The following B4GALNT3 variants were observed in gnomAD, a reference collection of about 807,000 sequenced individuals.
The protein encoded by B4GALNT3 is beta-1,4-N-acetylgalactosaminyltransferase 3.
In B4GALNT3, 86 loss-of-function variants were observed where a neutral mutation model predicts 120.2. The ratio of observed to expected loss-of-function variants is 0.72; its 90% confidence interval spans 0.60 to 0.86. The LOEUF is 0.86. Ranked by LOEUF, B4GALNT3 falls within the 40% of genes least tolerant of loss-of-function variation. The probability of loss-of-function intolerance (pLI) is 0.00; values close to 1 mark genes in which losing one functional copy is unlikely to be tolerated. For missense variants in B4GALNT3, 1,167 were observed against 1,298.9 expected (o/e 0.90, Z 1.56); for synonymous variants, 518 against 510.4 (o/e 1.01, Z -0.20).
At chr12:477,105 G>C (rs1485232770) in intron 1 of B4GALNT3, among the ~76,000 whole-genome samples, 1 of 152,144 alleles carries the variant, frequency 6.6e-6, no homozygotes, top group Non-Finnish European at 1.5e-5. Flanking sequence ...TGCCCATATA[G>C]CAGTTTATAG....
chr12:495,157 A>G (rs554709115), intron 1 of B4GALNT3, among the ~76,000 whole-genome samples: 20 of 152,330 alleles, frequency 1.3e-4, no homozygotes, highest in African/African-American at 4.6e-4. Context: ...AGAAGCTCAG[A>G]AAGGTTAAAT....
At chr12:505,153 A>T (rs1001643170) in intron 1 of B4GALNT3, among the ~76,000 whole-genome samples, 2 of 152,184 alleles carry the variant, frequency 1.3e-5, no homozygotes, top group Non-Finnish European at 2.9e-5. Flanking sequence ...TGGCCTCCCA[A>T]CGTGCTGGGA....
intron 1 of B4GALNT3, among the ~76,000 whole-genome samples, chr12:515,718 T>C (rs1946646638): frequency 6.6e-6 from 1 of 152,216 alleles, no homozygotes; most frequent in Non-Finnish European, 1.5e-5. Flanking sequence ...GCTTAGAGAT[T>C]AAGCTAGATG....
rs2120395334 is a variant in B4GALNT3, at chr12:460,992, G to T, written c.169+447G>T. Among the ~76,000 whole-genome samples the T allele has an allele frequency of 6.6e-6, 1 of 152,254 alleles. No homozygotes were observed. The highest frequency in any genetic ancestry group is 2.1e-4 in the South Asian group (1 of 4,826). On this transcript the variant is annotated intron_variant, in intron 1 of 19. Transcript: ENST00000266383. The surrounding 1 kb of genome is among the most constrained non-coding windows in gnomAD (Gnocchi z 8.0). ...CACCCAGGCGCGCGCTCCAGTCCGC[G>T]CAGCCCAAACTTTGCCCACCGCCTT...
chr12:510,473 AG>A, intron 1 of B4GALNT3, among the ~76,000 whole-genome samples: 1 of 114,110 alleles, frequency 8.8e-6, no homozygotes, highest in African/African-American at 2.9e-5. Flanking sequence ...GGGGCTGGTC[AG>A]GGGAGTTGGC....
In B4GALNT3 at chr12:551,172, G is replaced by A. The variant is rs1947078505; in HGVS notation, c.1107+141G>A. On this transcript the variant is annotated intron_variant, in intron 11 of 19. Transcript: ENST00000266383. ...GACAGGACGTCCTCACAGGTCCCTG[G>A]GCTGGGAAGAACTTGCACTCCCAGA... 3 of 742,386 alleles carry A rather than the reference G, an allele frequency of 4.0e-6. No homozygotes were observed. In the African/African-American group the frequency reaches 5.3e-5, roughly 13 times the overall value. The allele number at this position is 742,386 out of a possible 1,614,324, so 46.0% of individuals were successfully genotyped here. A position where few individuals can be genotyped will look rare whatever the true frequency, so the allele number is the denominator to read the frequency against.
At chr12:513,040 TCCACC>T in intron 1 of B4GALNT3, among the ~76,000 whole-genome samples, 3 of 141,084 alleles carry the variant, frequency 2.1e-5, no homozygotes, top group African/African-American at 2.7e-5. Context: ...TCCACCTTCT[TCCACC>T]TTCCACCTTC....
rs1409673499 is a variant in B4GALNT3 at position 549,833 on chromosome 12, C to T, written c.918C>T (p.Asp306=). Residue 306 remains aspartate (D), a synonymous_variant, in exon 10 of 20, where the codon GAC becomes GAT. Transcript: ENST00000266383. ...CACAGACAGCAGCCAGCCACGTGGA[C>T]TCCTCCAACGCTCTTCCCAGGGATG... ...HIPQTAASHV[D]SSNALPRDEQ... is the part of the protein sequence containing the mutation. 6.2e-7 allele frequency: 1 copy of T among 1,613,856 alleles called. No individual in the cohort carries two copies. The highest frequency in any genetic ancestry group is 8.5e-7 in the Non-Finnish European group (1 of 1,180,024).
chr12:513,185 CA>C (rs1946616181), intron 1 of B4GALNT3, among the ~76,000 whole-genome samples: 1 of 106,340 alleles, frequency 9.4e-6, no homozygotes, highest in Non-Finnish European at 2.2e-5. Flanking sequence ...CACCTTCTTC[CA>C]CCTTCCACCT....
intron 7 of B4GALNT3, 51 bp downstream of exon 7, chr12:546,764 G>A (rs1592052984): frequency 1.3e-6 from 2 of 1,501,556 alleles, no homozygotes; most frequent in Non-Finnish European, 1.8e-6. Context: ...CCTCGGTGGA[G>A]CCCGGCTGCG....
At chr12:554,116 GGCTCCTGGGAAGGACAAGT>G (rs1947117429) in intron 14 of B4GALNT3, 133 bp downstream of exon 14, 1 of 660,200 alleles carries the variant, frequency 1.5e-6, no homozygotes, top group Admixed American at 2.8e-5. Context: ...CCCCGACTCA[GGCTCCTGGGAAGGACAAGT>G]GCCCGGGGCC....
At chr12:466,867 C>T (rs1355453381) in intron 1 of B4GALNT3, among the ~76,000 whole-genome samples, 1 of 151,866 alleles carries the variant, frequency 6.6e-6, no homozygotes, top group Non-Finnish European at 1.5e-5. Context: ...CCTGTGGTTC[C>T]TCTTTTTTTT....
At chr12:525,653 C>T (rs1473505023) in intron 1 of B4GALNT3, among the ~76,000 whole-genome samples, 7 of 152,194 alleles carry the variant, frequency 4.6e-5, no homozygotes, top group South Asian at 2.1e-4. Flanking sequence ...GAGTCACTTC[C>T]GCCAAGCTGG....
At chr12:531,891 G>A (rs1056139055) in intron 1 of B4GALNT3, among the ~76,000 whole-genome samples, 1 of 151,792 alleles carries the variant, frequency 6.6e-6, no homozygotes, top group Non-Finnish European at 1.5e-5. Flanking sequence ...AAGAAACCAG[G>A]GCCAAAGAAG....
chr12:514,291 G>A (rs552730021), intron 1 of B4GALNT3, among the ~76,000 whole-genome samples: 196 of 137,246 alleles, frequency 1.4e-3, no homozygotes, highest in Non-Finnish European at 2.5e-3. Flanking sequence ...TCCACCTCCC[G>A]GGTTCACGCC....
chr12:511,307 ACCTTCCGCCTTCTGCCT>A, intron 1 of B4GALNT3, among the ~76,000 whole-genome samples: 1 of 64,160 alleles, frequency 1.6e-5, no homozygotes, highest in African/African-American at 6.8e-5. Context: ...TCCACCTTCC[ACCTTCCGCCTTCTGCCT>A]TCCACCTTCC....
chr12:471,256 A>G (rs955099821), intron 1 of B4GALNT3, among the ~76,000 whole-genome samples: 1 of 151,360 alleles, frequency 6.6e-6, no homozygotes, highest in African/African-American at 2.4e-5. Context: ...GTGGTGGCAC[A>G]TGCCTGTAAT....
intron 17 of B4GALNT3, 63 bp from the exon 18 acceptor site, chr12:558,445 G>A (rs536605542): frequency 2.0e-5 from 31 of 1,517,758 alleles, no homozygotes; most frequent in African/African-American, 4.1e-5. Flanking sequence ...TCTCCTAGAC[G>A]GCGACCTGAC....
At position 559,510 on chromosome 12, in the gene B4GALNT3, C is replaced by T. The variant is rs1342353846; in HGVS notation, c.2888+89C>T. 4.5e-6 allele frequency: 7 copies of T among 1,563,556 alleles called. No individual in the cohort carries two copies. In the African/African-American group the frequency reaches 6.8e-5, roughly 15 times the overall value. On this transcript the variant is annotated intron_variant, in intron 19 of 19. Coordinates refer to ENST00000266383, the MANE Select transcript of B4GALNT3 (RefSeq NM_173593.4). ...CAGGCTACAGCAGCCTAGCTGTCCC[C>T]CTCGGCCGCAGAGTCCCAAAGCACA...
Sources: allele counts gnomAD v4.1 joint callset (sites outside exome capture counted in the v4.1 genomes callset), GRCh38; gene constraint gnomAD v4.1.1; non-coding constraint Gnocchi (gnomAD v3.1); transcripts MANE v1.5; gene names NCBI Gene and HGNC (gene_info 2026-07-23, HGNC 2026-07-21).